COPG2: variants seen among roughly 807,000 people sequenced by gnomAD.
The protein encoded by COPG2 is coat protein complex I subunit gamma 2.
A neutral mutation model predicts 46.3 loss-of-function variants in COPG2; 37 were observed. The observed-to-expected ratio is 0.80, with a 90% confidence interval of 0.61 to 1.05. COPG2 has a LOEUF of 1.05. Ranked by LOEUF, COPG2 falls within the 50% of genes least tolerant of loss-of-function variation. The pLI, the probability that COPG2 is intolerant of heterozygous loss-of-function variation, is 0.00. For missense variants in COPG2, 427 were observed against 387.8 expected, an observed-to-expected ratio of 1.10 and a Z score of -0.85; for synonymous variants, 159 against 129.7, an observed-to-expected ratio of 1.23 and a Z score of -1.53.
At chr7:130,508,327 A>T in intron 21 of COPG2, 1 of 406,578 alleles carries the variant, frequency 2.5e-6, no homozygotes, top group South Asian at 6.3e-5. Flanking sequence ...TTATAAAGAA[A>T]AAAAAGGGTG....
At chr7:130,590,391 G>C (rs180691135) in intron 9 of COPG2, among the ~76,000 whole-genome samples, 1 of 152,212 alleles carries the variant, frequency 6.6e-6, no homozygotes, top group African/African-American at 2.4e-5. Flanking sequence ...GAGTGCCTGC[G>C]ACTGCAGGTG....
intron 12 of COPG2, among the ~76,000 whole-genome samples, chr7:130,555,814 A>G (rs1043575100): frequency 1.5e-4 from 23 of 152,138 alleles, no homozygotes; most frequent in Non-Finnish European, 2.6e-4. Flanking sequence ...TGGGTGACAG[A>G]GAGAGACTCT....
At chr7:130,568,239 C>T in intron 9 of COPG2, among the ~76,000 whole-genome samples, 1 of 152,230 alleles carries the variant, frequency 6.6e-6, no homozygotes, top group East Asian at 1.9e-4. Flanking sequence ...CGCGCCATTG[C>T]ACTCCAGCCT....
At chr7:130,576,905 C>T (rs1794008349) in intron 9 of COPG2, among the ~76,000 whole-genome samples, 1 of 152,134 alleles carries the variant, frequency 6.6e-6, no homozygotes, top group African/African-American at 2.4e-5. Flanking sequence ...ATCCAAATAA[C>T]TTCATTAAGA....
intron 20 of COPG2, among the ~76,000 whole-genome samples, chr7:130,545,892 T>TCCG (rs1793435120): frequency 5.9e-5 from 9 of 152,304 alleles, no homozygotes. Flanking sequence ...TTTCCTATAC[T>TCCG]ATATGTAATT....
chr7:130,627,795 C>CG (rs1795145006), intron 5 of COPG2, among the ~76,000 whole-genome samples: 1 of 45,856 alleles, frequency 2.2e-5, no homozygotes, highest in Non-Finnish European at 4.6e-5. Context: ...GTTCGGGGGG[C>CG]GGGGTGCGGT....
chr7:130,591,791 C>G (rs1289173467), intron 9 of COPG2, among the ~76,000 whole-genome samples: 2 of 149,540 alleles, frequency 1.3e-5, no homozygotes, highest in Non-Finnish European at 3.0e-5. Context: ...GGGTCAGCCC[C>G]CCGCCCGGCC....
At position 130,507,700 on chromosome 7, in the gene COPG2, TA is replaced by T. The variant is rs782449374; in HGVS notation, c.2370del (p.Thr791ProfsTer49). 2.6e-6 allele frequency: 2 copies of T among 780,494 alleles called. No homozygotes were observed. Among genetic ancestry groups the T allele is most frequent in the South Asian group, 2.7e-5 (2 of 74,588 alleles). The allele number at this position is 780,494 out of a possible 1,614,324, so 48.3% of individuals were successfully genotyped here. On this transcript the variant is annotated frameshift_variant, in exon 22 of 24. Coordinates refer to ENST00000425248, the MANE Select transcript of COPG2 (RefSeq NM_012133.6). LOFTEE classifies it high-confidence loss of function. ...FEKEETFALS[S>X]TKTLEEAVNN... ...TGGGTCTCACCTTCAAGGGTTTTGG[TA>T]GAACTGAGGGCAAAGGTTTCCTCTT...
chr7:130,606,577 A>C (rs1303560792), intron 9 of COPG2, among the ~76,000 whole-genome samples: 1 of 152,242 alleles, frequency 6.6e-6, no homozygotes, highest in African/African-American at 2.4e-5. Flanking sequence ...CAGAACTTGT[A>C]AACGATGAAG....
chr7:130,637,707 C>T (rs951861942), intron 5 of COPG2, among the ~76,000 whole-genome samples: 16 of 152,140 alleles, frequency 1.1e-4, no homozygotes, highest in African/African-American at 2.4e-5. Context: ...ATTACCTACC[C>T]TCTGAAGCCT....
intron 5 of COPG2, among the ~76,000 whole-genome samples, chr7:130,618,617 G>A (rs1749219531): frequency 6.6e-6 from 1 of 152,108 alleles, no homozygotes; most frequent in Admixed American, 6.5e-5. Context: ...ACTTATAAAG[G>A]TGACTTTTCT....
intron 20 of COPG2, among the ~76,000 whole-genome samples, chr7:130,538,213 T>C (rs1799901089): frequency 1.3e-5 from 2 of 151,620 alleles, no homozygotes; most frequent in South Asian, 2.1e-4. Flanking sequence ...AAGATGAAAG[T>C]GGGAGGAAAC....
chr7:130,565,252 A>C (rs1353702479), intron 9 of COPG2, among the ~76,000 whole-genome samples: 1 of 152,218 alleles, frequency 6.6e-6, no homozygotes, highest in Non-Finnish European at 1.5e-5. Flanking sequence ...GCACGCCCCA[A>C]CATACACAGC....
chr7:130,610,914 C>T lies in COPG2; in HGVS notation c.737+39G>A, dbSNP rs1554451957. ...TAAACTCTAAGGTATATTAACTTCG[C>T]AAATGGAAAATAACCCAGGTTTAGG... On this transcript the variant is annotated intron_variant, in intron 9 of 23. Transcript: ENST00000425248. 1.9e-6 allele frequency: 3 copies of T among 1,609,772 alleles called. No individual in the cohort carries two copies. In the Admixed American group the frequency reaches 5.0e-5, roughly 27 times the overall value.
chr7:130,584,535 G>A (rs1384556018), intron 9 of COPG2, among the ~76,000 whole-genome samples: 5 of 151,974 alleles, frequency 3.3e-5, no homozygotes, highest in East Asian at 1.9e-4. Context: ...GTTTGCTGAC[G>A]ATAGGATCAT....
intron 2 of COPG2, 21 bp downstream of exon 2, chr7:130,667,461 C>A: frequency 1.2e-6 from 2 of 1,608,162 alleles, no homozygotes; most frequent in Admixed American, 1.7e-5. Flanking sequence ...AGAAAGGGCA[C>A]AAGATACTTC....
intron 20 of COPG2, among the ~76,000 whole-genome samples, chr7:130,513,305 AAAAATATATATATATATATATATAT>A (rs1477779947): frequency 1.1e-3 from 53 of 50,042 alleles, no homozygotes; most frequent in African/African-American, 3.5e-3. Flanking sequence ...AAAAAAAAAA[AAAAATATATATATATATATATATAT>A]ATATATATAT....
chr7:130,613,491 G>T, intron 7 of COPG2, 53 bp downstream of exon 7: 1 of 1,081,876 alleles, frequency 9.2e-7, no homozygotes, highest in Non-Finnish European at 1.4e-6. Flanking sequence ...CTTTGTTTTC[G>T]CAACTCAAAA....
intron 4 of COPG2, among the ~76,000 whole-genome samples, chr7:130,654,095 A>G (rs1795802517): frequency 6.6e-6 from 1 of 152,348 alleles, no homozygotes; most frequent in East Asian, 1.9e-4. Context: ...CCAATGAAAA[A>G]TTAAAACCAC....
Sources: allele counts gnomAD v4.1 joint callset (sites outside exome capture counted in the v4.1 genomes callset), GRCh38; gene constraint gnomAD v4.1.1; transcripts MANE v1.5; gene names NCBI Gene and HGNC (gene_info 2026-07-23, HGNC 2026-07-21).